PIK3C2G: variants seen among roughly 807,000 people sequenced by gnomAD.
The protein encoded by PIK3C2G is phosphatidylinositol 3-kinase C2 domain-containing subunit gamma.
Under a neutral mutation model 181.1 loss-of-function variants are expected in PIK3C2G, and 168 were observed. The observed-to-expected ratio is 0.93, with a 90% CI of 0.82 to 1.05. PIK3C2G has a LOEUF of 1.05. Among genes scored for constraint, PIK3C2G ranks in the 50% least tolerant of loss-of-function variants. PIK3C2G has a pLI of 0.00. For synonymous variants in PIK3C2G, 573 were observed against 592.2 expected (o/e 0.97, Z 0.47); for missense variants, 1,869 against 1,732.8 (o/e 1.08, Z -1.40).
chr12:18,572,902 CATT>C (rs1481462206), intron 29 of PIK3C2G, among the ~76,000 whole-genome samples: 54 of 152,132 alleles, frequency 3.5e-4, no homozygotes, highest in African/African-American at 1.3e-3. Flanking sequence ...TAATTTCAAA[CATT>C]ATGTTTTTCA....
At chr12:18,472,549 C>T (rs776775302) in intron 18 of PIK3C2G, among the ~76,000 whole-genome samples, 6 of 152,104 alleles carry the variant, frequency 3.9e-5, no homozygotes, top group Admixed American at 6.6e-5. Context: ...TTAGTCACTT[C>T]GCTGTATTGT....
the PIK3C2G span, chr12:18,684,424 A>C: frequency 2.9e-6 from 2 of 698,996 alleles, no homozygotes; most frequent in Non-Finnish European, 4.7e-6. Flanking sequence ...TAATATACTC[A>C]GTGTGAGAGG....
At chr12:18,317,251 T>C (rs1169943361) in intron 6 of PIK3C2G, among the ~76,000 whole-genome samples, 1 of 152,010 alleles carries the variant, frequency 6.6e-6, no homozygotes, top group Non-Finnish European at 1.5e-5. Flanking sequence ...GACCTCGTGA[T>C]CCACCTGCCT....
the PIK3C2G span, among the ~76,000 whole-genome samples, chr12:18,674,890 G>T: frequency 1.3e-5 from 2 of 152,084 alleles, no homozygotes; most frequent in Non-Finnish European, 2.9e-5. Context: ...TGGGATGAAA[G>T]GTAACCTGGG....
At chr12:18,708,042 C>A in the PIK3C2G span, among the ~76,000 whole-genome samples, 1 of 152,202 alleles carries the variant, frequency 6.6e-6, no homozygotes, top group African/African-American at 2.4e-5. Context: ...TCTATTCATT[C>A]AGCATGAATA....
At chr12:18,629,011 T>C (rs1390279025) in intron 31 of PIK3C2G, among the ~76,000 whole-genome samples, 2 of 152,188 alleles carry the variant, frequency 1.3e-5, no homozygotes, top group Non-Finnish European at 2.9e-5. Flanking sequence ...AATATTAAAA[T>C]TGTGGTAACA....
chr12:18,270,324 G>T (rs1366560880), intron 1 of PIK3C2G, among the ~76,000 whole-genome samples: 3 of 151,996 alleles, frequency 2.0e-5, no homozygotes, highest in Non-Finnish European at 4.4e-5. Flanking sequence ...TTTACTCAGA[G>T]TCATGCAGCT....
the PIK3C2G span, chr12:18,701,840 C>T: frequency 6.5e-7 from 1 of 1,540,868 alleles, no homozygotes; most frequent in East Asian, 2.4e-5. Context: ...GTAACAGTCA[C>T]TGAAAAGTGT....
chr12:18,260,228 A>C (rs1419418283), upstream of PIK3C2G, among the ~76,000 whole-genome samples: 3 of 152,034 alleles, frequency 2.0e-5, no homozygotes, highest in Non-Finnish European at 4.4e-5. Context: ...AAAATGTTTC[A>C]ATTTTTGAAG....
the PIK3C2G span, chr12:18,701,694 C>T: frequency 1.1e-4 from 176 of 1,612,150 alleles, no homozygotes; most frequent in Middle Eastern, 1.7e-4. Context: ...CACCTTACCA[C>T]GCTTATCAGA....
intron 16 of PIK3C2G, among the ~76,000 whole-genome samples, chr12:18,414,444 G>A (rs1176693789): frequency 6.6e-6 from 1 of 152,036 alleles, no homozygotes; most frequent in Non-Finnish European, 1.5e-5. Context: ...CATATTGAGA[G>A]ACATATACAT....
At chr12:18,609,772 A>AT in intron 31 of PIK3C2G, 143 bp downstream of exon 31, 1 of 587,938 alleles carries the variant, frequency 1.7e-6, no homozygotes. Context: ...CAATTACAAT[A>AT]TTTTTGCCTC....
the PIK3C2G span, among the ~76,000 whole-genome samples, chr12:18,726,638 T>C: frequency 6.6e-6 from 1 of 151,000 alleles, no homozygotes; most frequent in Non-Finnish European, 1.5e-5. Context: ...TTCCATATTG[T>C]CACCATTTTC....
intron 26 of PIK3C2G, among the ~76,000 whole-genome samples, chr12:18,546,708 C>T (rs996923542): frequency 6.6e-6 from 1 of 151,974 alleles, no homozygotes; most frequent in Non-Finnish European, 1.5e-5. Flanking sequence ...CAAGAGCTGA[C>T]ATAAATAAAT....
At chr12:18,417,770 G>C (rs532060122) in intron 16 of PIK3C2G, among the ~76,000 whole-genome samples, 1 of 151,482 alleles carries the variant, frequency 6.6e-6, no homozygotes, top group Non-Finnish European at 1.5e-5. Flanking sequence ...AAAAAAATGT[G>C]CGACTGGCTT....
At chr12:18,267,610 G>A (rs914821833) in intron 1 of PIK3C2G, among the ~76,000 whole-genome samples, 1 of 152,100 alleles carries the variant, frequency 6.6e-6, no homozygotes, top group African/African-American at 2.4e-5. Flanking sequence ...TGACCTGTTA[G>A]AGCATGTTTC....
chr12:18,270,054 C>T lies in PIK3C2G; in HGVS notation c.-79+8477C>T, dbSNP rs140064290. On this transcript the variant is annotated intron_variant, in intron 1 of 32. Transcript: ENST00000538779. ...CCTCCCATGTAGCTGGGATTATAGG[C>T]GTGAGCCACCACGCCCGGCTAATTT... Among the ~76,000 whole-genome samples, 64 of 151,778 alleles carry T rather than the reference C, an allele frequency of 4.2e-4. No individual in the cohort carries two copies. The East Asian group carries it at 9.5e-3, about 23-fold the overall frequency.
intron 32 of PIK3C2G, among the ~76,000 whole-genome samples, chr12:18,644,614 GTTA>G (rs1950020341): frequency 6.6e-6 from 1 of 152,042 alleles, no homozygotes; most frequent in African/African-American, 2.4e-5. Context: ...GTAAGCTATA[GTTA>G]TTGTTATCTG....
Position 18,282,376 on chromosome 12 carries a change from C to A in PIK3C2G, c.295C>A (p.His99Asn). The A allele has an allele frequency of 6.2e-7, 1 of 1,613,558 alleles. No individual in the cohort carries two copies. Among genetic ancestry groups the A allele is most frequent in the Non-Finnish European group, 8.5e-7 (1 of 1,179,540 alleles). ...FTSKSRELSWHQVSKAPAIGF... is the reference protein window; with the variant it reads ...FTSKSRELSWNQVSKAPAIGF... ...TTCTAAAAGCCGTGAACTCTCCTGG[C>A]ATCAAGTTAGCAAAGCACCAGCAAT... Residue 99 changes from histidine to asparagine, a missense_variant, in exon 2 of 33, where the codon CAT (histidine) becomes AAT (asparagine). By Grantham distance (68) the His-to-Asn change is moderately conservative. Transcript: ENST00000538779.
Sources: allele counts gnomAD v4.1 joint callset (sites outside exome capture counted in the v4.1 genomes callset), GRCh38; gene constraint gnomAD v4.1.1; transcripts MANE v1.5; gene names NCBI Gene and HGNC (gene_info 2026-07-23, HGNC 2026-07-21).